The following MCTP1 variants were observed in gnomAD, a reference collection of about 807,000 sequenced individuals.
MCTP1 encodes multiple C2 and transmembrane domain containing 1.
A neutral mutation model predicts 120.6 loss-of-function variants in MCTP1; 69 were observed. The ratio of observed to expected loss-of-function variants is 0.57; its 90% CI spans 0.47 to 0.70. MCTP1 has a LOEUF of 0.70. MCTP1 is among the 30% of genes least tolerant of loss of function. The probability of loss-of-function intolerance (pLI) is 0.00; values close to 1 mark genes in which losing one functional copy is unlikely to be tolerated. For synonymous variants in MCTP1, 529 were observed against 493.1 expected (o/e 1.07, Z -0.96); for missense variants, 1,203 against 1,248.8 (o/e 0.96, Z 0.55).
At chr5:95,034,936 A>G (rs776330479) in intron 1 of MCTP1, among the ~76,000 whole-genome samples, 4 of 152,182 alleles carry the variant, frequency 2.6e-5, no homozygotes, top group Non-Finnish European at 5.9e-5. Flanking sequence ...TTCTCAAAGG[A>G]AGATATACAA....
At chr5:94,870,661 G>A (rs868174195) in intron 15 of MCTP1, among the ~76,000 whole-genome samples, 170 bp from the exon 16 acceptor site, 4 of 152,100 alleles carry the variant, frequency 2.6e-5, no homozygotes, top group Middle Eastern at 3.4e-3. Context: ...TTCTTATGCC[G>A]GTAGACAGCG....
intron 1 of MCTP1, among the ~76,000 whole-genome samples, chr5:95,037,652 T>C (rs1280774052): frequency 2.6e-5 from 4 of 152,212 alleles, no homozygotes; most frequent in East Asian, 1.9e-4. Flanking sequence ...GATCACTTGA[T>C]GTCAGGAGTT....
At chr5:94,814,187 G>A (rs1313518934) in intron 17 of MCTP1, among the ~76,000 whole-genome samples, 1 of 152,080 alleles carries the variant, frequency 6.6e-6, no homozygotes, top group Non-Finnish European at 1.5e-5. Context: ...AATTTCACCT[G>A]TTCTTTATAT....
intron 1 of MCTP1, among the ~76,000 whole-genome samples, chr5:95,209,279 A>C (rs1752043660): frequency 6.6e-6 from 1 of 152,166 alleles, no homozygotes; most frequent in African/African-American, 2.4e-5. Flanking sequence ...CAGCCATGAA[A>C]CACCAGTTAC....
chr5:95,228,642 T>C (rs780707827), intron 1 of MCTP1, among the ~76,000 whole-genome samples: 1 of 152,210 alleles, frequency 6.6e-6, no homozygotes, highest in Non-Finnish European at 1.5e-5. Context: ...CTCATGATTG[T>C]AATCCCCAAT....
chr5:95,126,020 A>T (rs1582306863), intron 1 of MCTP1, among the ~76,000 whole-genome samples: 2 of 152,128 alleles, frequency 1.3e-5, no homozygotes, highest in African/African-American at 4.8e-5. Flanking sequence ...TTTGTTTTTT[A>T]AAAAAAATTT....
At chr5:95,193,871 T>C (rs1332373663) in intron 1 of MCTP1, among the ~76,000 whole-genome samples, 2 of 152,082 alleles carry the variant, frequency 1.3e-5, no homozygotes, top group African/African-American at 4.8e-5. Context: ...CCCTATAAAG[T>C]AAGAACTATT....
intron 3 of MCTP1, among the ~76,000 whole-genome samples, chr5:94,946,248 T>G (rs915716590): frequency 6.6e-6 from 1 of 152,150 alleles, no homozygotes; most frequent in African/African-American, 2.4e-5. Context: ...AGTGGCATGC[T>G]TCTTTACTCA....
Position 94,704,242 on chromosome 5 carries a change from G to A in MCTP1, c.*3254C>T, listed in dbSNP as rs1161283344. The A allele has an allele frequency of 6.6e-6, 1 of 151,536 alleles. No homozygotes were observed. Among genetic ancestry groups the A allele is most frequent in the African/African-American group, 2.4e-5 (1 of 41,336 alleles). 9.4% of individuals were successfully genotyped at this position (151,536 alleles called of 1,614,324 possible). On this transcript the variant is annotated 3_prime_UTR_variant, in exon 23 of 23. Transcript: ENST00000515393. ...TGTGAAATCACGCTATTCATTTAAA[G>A]CCCAAGAATTTAAGCAAGTATTAAT... is the stretch of plus-strand genomic sequence containing the variant.
intron 2 of MCTP1, among the ~76,000 whole-genome samples, chr5:94,960,718 T>C (rs769563014): frequency 9.2e-5 from 14 of 152,144 alleles, no homozygotes; most frequent in Non-Finnish European, 1.9e-4. Context: ...AAAACCCCAA[T>C]GACACACCAT....
At chr5:95,166,025 C>G (rs1392233126) in intron 1 of MCTP1, 1 of 152,132 alleles carries the variant, frequency 6.6e-6, no homozygotes, top group African/African-American at 2.4e-5. Flanking sequence ...TCCATGGGCT[C>G]TTGATATTAA....
chr5:95,002,406 G>A (rs1215924890), intron 2 of MCTP1, among the ~76,000 whole-genome samples: 4 of 152,152 alleles, frequency 2.6e-5, no homozygotes, highest in South Asian at 2.1e-4. Flanking sequence ...ACAGACACTC[G>A]ATGCCAGCCT....
chr5:94,841,339 T>G (rs761834934), intron 17 of MCTP1, among the ~76,000 whole-genome samples: 6 of 152,170 alleles, frequency 3.9e-5, no homozygotes, highest in Non-Finnish European at 8.8e-5. Context: ...AGATTGGCAT[T>G]TCGATTGGAA....
In MCTP1 at chr5:95,020,905, T is replaced by A. The variant is rs370816191; in HGVS notation, c.721-3421A>T. On this transcript the variant is annotated intron_variant, in intron 1 of 22. Transcript: ENST00000515393. The stretch of plus-strand genomic sequence containing the variant: ...GTTGGATCTGTTTCTGAAGTCCCCA[T>A]GATCTGCTTACTTCTGTGTCAATAC... Among the ~76,000 whole-genome samples, 4 of 152,186 alleles carry A rather than the reference T, an allele frequency of 2.6e-5. No individual in the cohort carries two copies. The East Asian group carries it at 7.7e-4, about 29-fold the overall frequency.
At chr5:94,752,106 AAAATATATATATAT>A (rs1374049640) in intron 19 of MCTP1, among the ~76,000 whole-genome samples, 4 of 40,696 alleles carry the variant, frequency 9.8e-5, no homozygotes, top group East Asian at 1.1e-3. Flanking sequence ...CTTAAATAAT[AAAATATATATATAT>A]ATATATATAT....
At chr5:95,165,733 T>C (rs1336417605) in intron 1 of MCTP1, among the ~76,000 whole-genome samples, 1 of 152,212 alleles carries the variant, frequency 6.6e-6, no homozygotes, top group African/African-American at 2.4e-5. Context: ...TGTGAGTCTG[T>C]CTTTCCAACT....
chr5:95,151,282 C>A (rs1318025942), intron 1 of MCTP1, among the ~76,000 whole-genome samples: 2 of 151,134 alleles, frequency 1.3e-5, no homozygotes, highest in African/African-American at 4.9e-5. Flanking sequence ...CCACACCCGG[C>A]CAGAAAATAT....
intron 1 of MCTP1, among the ~76,000 whole-genome samples, chr5:95,182,123 T>C (rs1185630724): frequency 1.3e-5 from 2 of 152,206 alleles, no homozygotes; most frequent in East Asian, 3.8e-4. Flanking sequence ...TGAGAAACTA[T>C]AGCTCTATAA....
intron 2 of MCTP1, among the ~76,000 whole-genome samples, chr5:94,976,974 A>G (rs941323131): frequency 2.0e-5 from 3 of 152,128 alleles, no homozygotes; most frequent in Non-Finnish European, 4.4e-5. Flanking sequence ...TCCTATCCAG[A>G]GGAATTGGAC....
Sources: gnomAD v4.1 joint callset for allele counts (sites outside exome capture counted in the v4.1 genomes callset) on GRCh38, gnomAD v4.1.1 for gene constraint, MANE v1.5 for transcripts, NCBI Gene and HGNC (gene_info 2026-07-23, HGNC 2026-07-21) for gene names.